SPMIP7: variants seen among roughly 807,000 people sequenced by gnomAD.
The protein encoded by SPMIP7 is protein SPMIP7.
chr7:50,113,369 A>G, the SPMIP7 span, among the ~76,000 whole-genome samples: 1 of 152,166 alleles, frequency 6.6e-6, no homozygotes, highest in Admixed American at 6.5e-5. Context: ...ATCTGTCAAT[A>G]ATAACAGATC....
the SPMIP7 span, among the ~76,000 whole-genome samples, chr7:50,107,670 G>A: frequency 6.6e-6 from 1 of 152,124 alleles, no homozygotes; most frequent in African/African-American, 2.4e-5. Flanking sequence ...AAGCGTAAGA[G>A]AGAAGAAATA....
chr7:50,129,645 A>G, the SPMIP7 span: 4 of 1,050,974 alleles, frequency 3.8e-6, no homozygotes, highest in African/African-American at 1.6e-5. Flanking sequence ...AAAAGAAAAC[A>G]TGATGACTAG....
At chr7:50,148,022 C>T in the SPMIP7 span, among the ~76,000 whole-genome samples, 1 of 152,142 alleles carries the variant, frequency 6.6e-6, no homozygotes, top group Non-Finnish European at 1.5e-5. Context: ...AGCTTTGTTC[C>T]CTCCAGCTGA....
At chr7:50,139,881 C>A in the SPMIP7 span, among the ~76,000 whole-genome samples, 1 of 152,156 alleles carries the variant, frequency 6.6e-6, no homozygotes, top group African/African-American at 2.4e-5. Flanking sequence ...ACACAACACA[C>A]AACAATATAA....
the SPMIP7 span, chr7:50,151,517 A>G: frequency 1.9e-6 from 3 of 1,551,654 alleles, no homozygotes; most frequent in Non-Finnish European, 2.6e-6. Context: ...AAATTCTAAT[A>G]TTCCATCAAC....
the SPMIP7 span, among the ~76,000 whole-genome samples, chr7:50,133,072 G>T: frequency 6.6e-6 from 1 of 152,148 alleles, no homozygotes; most frequent in African/African-American, 2.4e-5. Context: ...GCAGGAGAAG[G>T]TCTGGGGATC....
chr7:50,136,279 T>G, the SPMIP7 span: 1 of 736,640 alleles, frequency 1.4e-6, no homozygotes, highest in East Asian at 2.7e-5. Context: ...ATATGTTCTC[T>G]GATGGAGAGC....
At chr7:50,102,458 T>G in the SPMIP7 span, among the ~76,000 whole-genome samples, 1 of 152,312 alleles carries the variant, frequency 6.6e-6, no homozygotes, top group East Asian at 1.9e-4. Context: ...TATTTCCTCA[T>G]GCACTGTCAG....
At chr7:50,124,276 A>G in the SPMIP7 span, among the ~76,000 whole-genome samples, 1 of 152,150 alleles carries the variant, frequency 6.6e-6, no homozygotes, top group Non-Finnish European at 1.5e-5. Flanking sequence ...AGAGATACAC[A>G]ATTCCACTGA....
the SPMIP7 span, among the ~76,000 whole-genome samples, chr7:50,109,449 C>A: frequency 1.1e-4 from 16 of 152,220 alleles, no homozygotes; most frequent in African/African-American, 3.9e-4. Flanking sequence ...GATCTTAGCT[C>A]ACTGCAACCT....
the SPMIP7 span, among the ~76,000 whole-genome samples, chr7:50,118,613 C>G: frequency 1.3e-5 from 2 of 152,120 alleles, no homozygotes; most frequent in African/African-American, 4.8e-5. Flanking sequence ...TATGGAGCAT[C>G]CCTGGAGAAA....
chr7:50,101,205 A>G, the SPMIP7 span, among the ~76,000 whole-genome samples: 27 of 152,238 alleles, frequency 1.8e-4, no homozygotes, highest in Non-Finnish European at 1.0e-4. Flanking sequence ...GTTAGTAAGC[A>G]TCATGCAAAT....
At chr7:50,121,275 A>G in the SPMIP7 span, 33 of 152,348 alleles carry the variant, frequency 2.2e-4, no homozygotes, top group African/African-American at 7.2e-4. Context: ...ATAATTGTTA[A>G]ATTAAATTAC....
the SPMIP7 span, chr7:50,117,387 T>A: frequency 2.8e-6 from 1 of 353,066 alleles, no homozygotes; most frequent in East Asian, 7.8e-5. Context: ...GAGCCGCTTT[T>A]AAGACACGAC....
the SPMIP7 span, among the ~76,000 whole-genome samples, chr7:50,129,011 G>T: frequency 6.6e-6 from 1 of 151,848 alleles, no homozygotes. Flanking sequence ...ATACATCCTC[G>T]AAGTCAATGA....
chr7:50,159,137 A>G, the SPMIP7 span: 36 of 1,551,704 alleles, frequency 2.3e-5, no homozygotes, highest in Non-Finnish European at 3.1e-5. Context: ...CAACCCTTTC[A>G]ACAAGAAGGA....
chr7:50,129,604 T>C, the SPMIP7 span: 1 of 756,520 alleles, frequency 1.3e-6, no homozygotes. Context: ...AAGAGGTGCG[T>C]GAAAGAAGAA....
chr7:50,136,723 C>G, the SPMIP7 span, among the ~76,000 whole-genome samples: 2 of 152,094 alleles, frequency 1.3e-5, no homozygotes, highest in Non-Finnish European at 2.9e-5. Flanking sequence ...ATTACTACTA[C>G]TTCCTCACAT....
the SPMIP7 span, among the ~76,000 whole-genome samples, chr7:50,145,471 G>A: frequency 6.7e-6 from 1 of 148,958 alleles, no homozygotes; most frequent in African/African-American, 2.5e-5. Context: ...ATCTGTAATG[G>A]CAGATCTCTG....
Sources: gnomAD v4.1 joint callset for allele counts (sites outside exome capture counted in the v4.1 genomes callset) on GRCh38, gnomAD v4.1.1 for gene constraint, MANE v1.5 for transcripts, NCBI Gene and HGNC (gene_info 2026-07-23, HGNC 2026-07-21) for gene names.